VAMP3: variants seen among roughly 807,000 people sequenced by gnomAD.
The protein encoded by VAMP3 is vesicle-associated membrane protein 3.
In VAMP3, 11 loss-of-function variants were observed where a neutral mutation model predicts 18.1. That is an observed-to-expected ratio of 0.61 (90% CI 0.38 to 1.00). The LOEUF is 1.00. VAMP3 is among the 50% of genes least tolerant of loss of function. The pLI, the probability that VAMP3 is intolerant of heterozygous loss-of-function variation, is 0.01. For missense variants in VAMP3, 122 were observed against 127.3 expected (o/e 0.96, Z 0.20); for synonymous variants, 49 against 43.1 (o/e 1.14, Z -0.53).
chr1:7,779,379 CT>C (rs904686752), intron 4 of VAMP3, among the ~76,000 whole-genome samples: 1 of 152,192 alleles, frequency 6.6e-6, no homozygotes, highest in African/African-American at 2.4e-5. Flanking sequence ...AACATGACTT[CT>C]TTCATTGATA....
chr1:7,778,354 C>T (rs563647108), intron 4 of VAMP3, among the ~76,000 whole-genome samples, 185 bp downstream of exon 4: 1 of 152,202 alleles, frequency 6.6e-6, no homozygotes, highest in East Asian at 1.9e-4. Flanking sequence ...GCCTGGGCAA[C>T]ATAGCGTCTC....
At chr1:7,778,825 C>T (rs1389396544) in intron 4 of VAMP3, among the ~76,000 whole-genome samples, 4 of 152,152 alleles carry the variant, frequency 2.6e-5, no homozygotes, top group African/African-American at 9.7e-5. Flanking sequence ...GTTTCTGTTT[C>T]CTCATTTGTA....
intron 1 of VAMP3, 48 bp downstream of exon 1, chr1:7,771,433 A>C: frequency 6.6e-7 from 1 of 1,515,640 alleles, no homozygotes; most frequent in Non-Finnish European, 8.8e-7. Context: ...CGCAGGCGGC[A>C]GCTCGCGCTG....
chr1:7,779,189 C>T (rs937588918), intron 4 of VAMP3, among the ~76,000 whole-genome samples: 4 of 151,524 alleles, frequency 2.6e-5, no homozygotes, highest in Non-Finnish European at 4.4e-5. Flanking sequence ...AGCAAGTCTC[C>T]GTCTCAAAAA....
chr1:7,778,786 G>A (rs1418284472), intron 4 of VAMP3, among the ~76,000 whole-genome samples: 3 of 152,180 alleles, frequency 2.0e-5, no homozygotes, highest in Admixed American at 6.5e-5. Flanking sequence ...CAGCTGTATG[G>A]CCGTGGACAA....
intron 1 of VAMP3, among the ~76,000 whole-genome samples, chr1:7,771,770 C>A (rs1020351688): frequency 6.6e-6 from 1 of 152,242 alleles, no homozygotes; most frequent in African/African-American, 2.4e-5. Flanking sequence ...CCAGAAGTTG[C>A]GAAAGAAAGG....
At chr1:7,779,558 C>T (rs1156743316) in intron 4 of VAMP3, 68 bp from the exon 5 acceptor site, 5 of 1,607,172 alleles carry the variant, frequency 3.1e-6, no homozygotes, top group Admixed American at 1.7e-5. Flanking sequence ...TGGATGTTGG[C>T]TTGGGATTCA....
At position 7,773,485 on chromosome 1, in the gene VAMP3, C is replaced by A. The variant is rs1257497562; in HGVS notation, c.46C>A (p.Gln16Lys). ...TAATGSNRRL[Q>K]QTQNQVDEVV... ...TGCCACTGGCAGTAATCGAAGACTT[C>A]AGCAGACACAAAATCAAGTAGATGA... The change falls in exon 2 of 5, where the codon CAG (glutamine) becomes AAG (lysine). Residue 16 changes from glutamine (Q) to lysine (K), a missense_variant. Coordinates refer to ENST00000054666, the MANE Select transcript of VAMP3 (RefSeq NM_004781.4). The A allele has an allele frequency of 6.2e-7, 1 of 1,613,950 alleles. No individual in the cohort carries two copies.
intron 1 of VAMP3, among the ~76,000 whole-genome samples, chr1:7,771,691 C>T (rs2097051066): frequency 6.6e-6 from 1 of 152,246 alleles, no homozygotes; most frequent in East Asian, 1.9e-4. Context: ...CCCCGACGTC[C>T]CTGAGAGGAA....
chr1:7,779,572 TGA>T lies in VAMP3; in HGVS notation c.284-49_284-48del, dbSNP rs1312505949. The T allele has an allele frequency of 3.1e-5, 50 of 1,613,276 alleles. No homozygotes were observed. In the Admixed American group the frequency reaches 7.5e-4, roughly 24 times the overall value. ...TTGGATGTTGGCTTGGGATTCACAC[TGA>T]GAGACTAACCTGCTGTTTCCCCTGC... is the stretch of plus-strand genomic sequence containing the variant. On this transcript the variant is annotated intron_variant, in intron 4 of 4. Coordinates refer to ENST00000054666, the MANE Select transcript of VAMP3 (RefSeq NM_004781.4).
At chr1:7,775,882 C>T (rs2097054078) in intron 2 of VAMP3, among the ~76,000 whole-genome samples, 1 of 152,190 alleles carries the variant, frequency 6.6e-6, no homozygotes, top group Non-Finnish European at 1.5e-5. Context: ...GATTCAACTT[C>T]ATTCTTTTGC....
chr1:7,777,293 G>T lies in VAMP3; in HGVS notation c.206G>T (p.Arg69Met). ...GAAACGAGCGCAGCCAAGTTGAAGA[G>T]GAAATATTGGTGGAAGAATTGCAAG... Reference protein sequence around the residue: ...QFETSAAKLKRKYWWKNCKMW... With the variant: ...QFETSAAKLKMKYWWKNCKMW... The change falls in exon 3 of 5, where the codon AGG (arginine) becomes ATG (methionine). Residue 69 changes from arginine (R) to methionine (M), a missense_variant. Coordinates refer to ENST00000054666, the MANE Select transcript of VAMP3 (RefSeq NM_004781.4). 1 of 1,612,740 alleles carries T rather than the reference G, an allele frequency of 6.2e-7. No individual in the cohort carries two copies. The highest frequency in any genetic ancestry group is 1.7e-4 in the Middle Eastern group (1 of 6,058).
chr1:7,772,151 T>C (rs1181143837), intron 1 of VAMP3, among the ~76,000 whole-genome samples: 1 of 152,196 alleles, frequency 6.6e-6, no homozygotes, highest in African/African-American at 2.4e-5. Context: ...CTGTGTTGAC[T>C]CTCTAAACCT....
chr1:7,775,318 TTGTC>T (rs1266138585), intron 2 of VAMP3, among the ~76,000 whole-genome samples: 2 of 152,092 alleles, frequency 1.3e-5, no homozygotes, highest in Non-Finnish European at 2.9e-5. Flanking sequence ...ATTCTGTGGC[TTGTC>T]TTTTACATTT....
At chr1:7,777,136 C>T (rs747141812) in intron 2 of VAMP3, 24 bp from the exon 3 acceptor site, 18 of 1,587,512 alleles carry the variant, frequency 1.1e-5, no homozygotes, top group Admixed American at 3.5e-5. Context: ...TTGTGCATTA[C>T]TTGCTGTGAT....
rs1577562231 is a variant in VAMP3 at position 7,771,474 on chromosome 1, C to T, written c.2+89C>T. 3.3e-5 allele frequency: 46 copies of T among 1,401,924 alleles called. 2 individuals carry two copies. The South Asian group carries it at 6.8e-4, about 21-fold the overall frequency. The allele number at this position is 1,401,924 out of a possible 1,614,324, so 86.8% of individuals were successfully genotyped here. ...GCCATACTGCCCAGTTGCCGCCGGC[C>T]GCCACTCGGACGCAGGCCGGGGCTG... On this transcript the variant is annotated intron_variant, in intron 1 of 4. Coordinates refer to ENST00000054666, the MANE Select transcript of VAMP3 (RefSeq NM_004781.4).
chr1:7,775,930 A>T (rs929143334), intron 2 of VAMP3, among the ~76,000 whole-genome samples: 3 of 152,194 alleles, frequency 2.0e-5, no homozygotes, highest in African/African-American at 4.8e-5. Flanking sequence ...TGTTTATTGA[A>T]AAGACTGTTG....
At position 7,779,810 on chromosome 1, in the gene VAMP3, C is replaced by A; in HGVS notation, c.*165C>A. On this transcript the variant is annotated 3_prime_UTR_variant, in exon 5 of 5. Coordinates refer to ENST00000054666, the MANE Select transcript of VAMP3 (RefSeq NM_004781.4). The stretch of plus-strand genomic sequence containing the variant: ...GTGCCTTTGTTTTTTAATATGCACT[C>A]CAAATTAGAAGGCCGGCCCCGTCCA... 1.2e-6 allele frequency: 1 copy of A among 868,250 alleles called. No homozygotes were observed. The highest frequency in any genetic ancestry group is 1.7e-5 in the African/African-American group (1 of 58,866). The allele number at this position is 868,250 out of a possible 1,614,324, so 53.8% of individuals were successfully genotyped here. A position where few individuals can be genotyped will look rare whatever the true frequency, so the allele number is the denominator to read the frequency against.
rs979345864 is a variant in VAMP3 at position 7,780,326 on chromosome 1, A to G, written c.*681A>G. ...TATGACCAAAGCTTCTATTTTGCCAAAAAGTTAAATACCGATAAAATGGCC... is the reference window on the plus strand; with the variant it reads ...TATGACCAAAGCTTCTATTTTGCCAGAAAGTTAAATACCGATAAAATGGCC... On this transcript the variant is annotated 3_prime_UTR_variant, in exon 5 of 5. Coordinates refer to ENST00000054666, the MANE Select transcript of VAMP3 (RefSeq NM_004781.4). The G allele has an allele frequency of 3.9e-5, 6 of 152,832 alleles. No homozygotes were observed. The highest frequency in any genetic ancestry group is 1.4e-4 in the African/African-American group (6 of 41,466). The allele number at this position is 152,832 out of a possible 1,614,324, so 9.5% of individuals were successfully genotyped here.
Sources: allele counts gnomAD v4.1 joint callset (sites outside exome capture counted in the v4.1 genomes callset), GRCh38; gene constraint gnomAD v4.1.1; transcripts MANE v1.5; gene names NCBI Gene and HGNC (gene_info 2026-07-23, HGNC 2026-07-21).